Variants in DMC1 observed in about 807,000 individuals in gnomAD.
DMC1 encodes DNA meiotic recombinase 1.
A neutral mutation model predicts 50.1 loss-of-function variants in DMC1; 27 were observed. That is an observed-to-expected ratio of 0.54 (90% CI 0.40 to 0.74). DMC1 has a LOEUF of 0.74. Ranked by LOEUF, DMC1 falls within the 30% of genes least tolerant of loss-of-function variation. The pLI, the probability that DMC1 is intolerant of heterozygous loss-of-function variation, is 0.00. For synonymous variants in DMC1, 148 were observed against 136.1 expected, an observed-to-expected ratio of 1.09 and a Z score of -0.61; for missense variants, 295 against 420.2, an observed-to-expected ratio of 0.70 and a Z score of 2.60.
chr22:38,554,384 A>C (rs1391189825), intron 6 of DMC1, among the ~76,000 whole-genome samples: 1 of 151,780 alleles, frequency 6.6e-6, no homozygotes, highest in Non-Finnish European at 1.5e-5. Flanking sequence ...GAAGAAGGTA[A>C]GCCACTAAGA....
intron 5 of DMC1, among the ~76,000 whole-genome samples, chr22:38,559,284 G>A (rs892569834): frequency 1.1e-4 from 16 of 152,250 alleles, no homozygotes; most frequent in Admixed American, 5.2e-4. Context: ...ACCCGCCTCG[G>A]CCTCCCAAAA....
intron 7 of DMC1, among the ~76,000 whole-genome samples, chr22:38,551,431 T>A (rs1250238933): frequency 1.3e-5 from 2 of 151,054 alleles, no homozygotes; most frequent in Admixed American, 6.6e-5. Context: ...CGGGTTCAAG[T>A]GATTCTCTGA....
chr22:38,568,239 A>G lies in DMC1; in HGVS notation c.18T>C (p.Val6=). The change falls in exon 2 of 14, where the codon GTT becomes GTC. Residue 6 remains valine (V), a synonymous_variant. Transcript: ENST00000216024. MKEDQ[V]VAEEPGFQDE... is the part of the protein sequence containing the mutation. ...CTTGGAATCCTGGTTCTTCCGCCAC[A>G]ACTTGATCCTCCTTCATATTGAAAA... 1 of 1,614,124 alleles carries G rather than the reference A, an allele frequency of 6.2e-7. No homozygotes were observed. The highest frequency in any genetic ancestry group is 1.1e-5 in the South Asian group (1 of 91,084).
intron 7 of DMC1, among the ~76,000 whole-genome samples, chr22:38,551,951 C>T (rs1247309179): frequency 6.6e-6 from 1 of 150,644 alleles, no homozygotes; most frequent in Non-Finnish European, 1.5e-5. Context: ...AGCTCCGCCT[C>T]CCGGGTTCAC....
chr22:38,548,652 T>G (rs1290987629), intron 8 of DMC1, among the ~76,000 whole-genome samples: 2 of 152,136 alleles, frequency 1.3e-5, no homozygotes, highest in African/African-American at 2.4e-5. Context: ...GGTGGGTGGA[T>G]CACTTGAGGT....
chr22:38,549,621 C>CA (rs879531822), intron 8 of DMC1: 6,392 of 203,878 alleles, frequency 0.031, no homozygotes, highest in South Asian at 0.066. Flanking sequence ...GATTCCGTCT[C>CA]AAAAAAAAAA....
chr22:38,528,060 TG>T (rs2090112495), intron 12 of DMC1, among the ~76,000 whole-genome samples: 1 of 150,872 alleles, frequency 6.6e-6, no homozygotes, highest in African/African-American at 2.4e-5. Flanking sequence ...CAATATATAT[TG>T]AATTTTTTTT....
At chr22:38,534,112 A>G (rs1281418778) in intron 12 of DMC1, among the ~76,000 whole-genome samples, 1 of 152,232 alleles carries the variant, frequency 6.6e-6, no homozygotes, top group Admixed American at 6.5e-5. Flanking sequence ...AGACATGACA[A>G]TTACACGCAG....
chr22:38,549,377 T>G (rs1271924790), intron 8 of DMC1: 2 of 154,418 alleles, frequency 1.3e-5, no homozygotes, highest in East Asian at 3.8e-4. Context: ...ATCCTAGCAC[T>G]GTGGGAGGCT....
chr22:38,510,813 T>A, the DMC1 span, among the ~76,000 whole-genome samples: 1 of 152,156 alleles, frequency 6.6e-6, no homozygotes, highest in Non-Finnish European at 1.5e-5. Flanking sequence ...CATTATAGAG[T>A]CACTGTATTA....
At chr22:38,526,881 G>A (rs1433901094) in intron 12 of DMC1, among the ~76,000 whole-genome samples, 1 of 152,086 alleles carries the variant, frequency 6.6e-6, no homozygotes, top group East Asian at 1.9e-4. Context: ...CAATAAACTG[G>A]CCGTCTGGTT....
chr22:38,554,461 A>G (rs938452212), intron 6 of DMC1, among the ~76,000 whole-genome samples: 2 of 151,740 alleles, frequency 1.3e-5, no homozygotes, highest in Admixed American at 6.6e-5. Flanking sequence ...AAAAAAAAAA[A>G]CAGATTTAGT....
chr22:38,515,491 AG>A (rs1181219748), downstream of DMC1, among the ~76,000 whole-genome samples: 3,654 of 147,280 alleles, frequency 0.025, 82 homozygotes, highest in South Asian at 0.051. Flanking sequence ...AAAAAAAAAA[AG>A]AAAGAAAAAA....
intron 8 of DMC1, among the ~76,000 whole-genome samples, chr22:38,542,053 G>A (rs1378056183): frequency 6.8e-6 from 1 of 148,082 alleles, no homozygotes; most frequent in Non-Finnish European, 1.5e-5. Flanking sequence ...GGTATAGAAG[G>A]AACATAACCC....
At chr22:38,567,937 T>C (rs1323771307) in intron 2 of DMC1, among the ~76,000 whole-genome samples, 1 of 152,198 alleles carries the variant, frequency 6.6e-6, no homozygotes, top group Non-Finnish European at 1.5e-5. Flanking sequence ...GATCCTAAAC[T>C]CCTTCCTCTA....
chr22:38,538,755 C>T (rs1045880677), intron 9 of DMC1, 143 bp from the exon 10 acceptor site: 2 of 814,788 alleles, frequency 2.5e-6, no homozygotes, highest in Non-Finnish European at 4.1e-6. Context: ...ATTATTGCAG[C>T]AGGGCATGGT....
Position 38,549,976 on chromosome 22 carries a change from G to A in DMC1, c.443C>T (p.Ala148Val). The A allele has an allele frequency of 6.2e-7, 1 of 1,613,506 alleles. No individual in the cohort carries two copies. Among genetic ancestry groups the A allele is most frequent in the South Asian group, 1.1e-5 (1 of 91,050 alleles). ...AATCTTTCCTCCTGGGTAGCCACCA[G>A]CTCCTGGAAGTTGAGCTGTCACTAG... ...TLCVTAQLPG[A>V]GGYPGGKIIF... The change falls in exon 8 of 14, where the codon GCT becomes GTT. Residue 148 changes from alanine (A) to valine (V), a missense_variant. Physicochemically the swap from Ala to Val is moderately conservative, Grantham distance 64. Coordinates refer to ENST00000216024, the MANE Select transcript of DMC1 (RefSeq NM_007068.4).
At chr22:38,533,658 T>C (rs2090180351) in intron 12 of DMC1, among the ~76,000 whole-genome samples, 1 of 152,182 alleles carries the variant, frequency 6.6e-6, no homozygotes, top group African/African-American at 2.4e-5. Flanking sequence ...AGAGTAATAA[T>C]TAATTTACTC....
chr22:38,532,458 A>G (rs1214606660), intron 12 of DMC1, among the ~76,000 whole-genome samples: 1 of 150,894 alleles, frequency 6.6e-6, no homozygotes, highest in Non-Finnish European at 1.5e-5. Flanking sequence ...AGTAGCTGGG[A>G]TTACAGGCAC....
Sources: gnomAD v4.1 joint callset for allele counts (sites outside exome capture counted in the v4.1 genomes callset) on GRCh38, gnomAD v4.1.1 for gene constraint, MANE v1.5 for transcripts, NCBI Gene and HGNC (gene_info 2026-07-23, HGNC 2026-07-21) for gene names.